Variants in PLXNA4 observed in about 807,000 individuals in gnomAD.
PLXNA4 encodes plexin A4.
Under a neutral mutation model 191.8 loss-of-function variants are expected in PLXNA4, and 44 were observed. That is an observed-to-expected ratio of 0.23 (90% CI 0.18 to 0.29). The LOEUF (loss-of-function observed/expected upper bound fraction) is 0.29. Ranked by LOEUF, PLXNA4 falls within the 10% of genes least tolerant of loss-of-function variation. The pLI is 1.00. For synonymous variants in PLXNA4, 1,082 were observed against 1,009.5 expected, an observed-to-expected ratio of 1.07 and a Z score of -1.36; for missense variants, 1,800 against 2,488.8, an observed-to-expected ratio of 0.72 and a Z score of 5.89.
chr7:132,147,439 C>T (rs1353564659), intron 27 of PLXNA4, among the ~76,000 whole-genome samples: 1 of 152,178 alleles, frequency 6.6e-6, no homozygotes, highest in Admixed American at 6.5e-5. Flanking sequence ...CTTCTGGCTT[C>T]TACCCCACCT....
At chr7:132,279,424 T>C (rs1363375407) in intron 4 of PLXNA4, among the ~76,000 whole-genome samples, 1 of 151,916 alleles carries the variant, frequency 6.6e-6, no homozygotes, top group Non-Finnish European at 1.5e-5. Context: ...AGTTCAGGAG[T>C]TTGAGACCAG....
chr7:132,561,791 C>T (rs1484830661), intron 1 of PLXNA4, among the ~76,000 whole-genome samples: 1 of 137,650 alleles, frequency 7.3e-6, no homozygotes, highest in Non-Finnish European at 1.6e-5. Flanking sequence ...CGTCCTTAAC[C>T]TCCTCCTCCT....
intron 3 of PLXNA4, among the ~76,000 whole-genome samples, chr7:132,422,292 G>A (rs1794877340): frequency 6.6e-6 from 1 of 152,200 alleles, no homozygotes; most frequent in East Asian, 1.9e-4. Context: ...TCACCTCAGA[G>A]AGCAAGAGGG....
intron 20 of PLXNA4, among the ~76,000 whole-genome samples, chr7:132,176,157 G>A (rs1290295861): frequency 2.0e-5 from 3 of 152,170 alleles, no homozygotes. Flanking sequence ...TCTGTGCCAG[G>A]AGAATCCCAA....
At chr7:132,639,083 T>C (rs905140682) in intron 2 of PLXNA4, among the ~76,000 whole-genome samples, 2 of 152,152 alleles carry the variant, frequency 1.3e-5, no homozygotes, top group Non-Finnish European at 2.9e-5. Flanking sequence ...TATATCAAAG[T>C]TCACCATCCA....
chr7:132,170,176 T>C (rs1584789937), intron 21 of PLXNA4, among the ~76,000 whole-genome samples: 1 of 152,274 alleles, frequency 6.6e-6, no homozygotes, highest in East Asian at 1.9e-4. Flanking sequence ...ATGAACATAA[T>C]GATAGCTAAT....
At chr7:132,613,915 G>T (rs117184272) in intron 2 of PLXNA4, among the ~76,000 whole-genome samples, 1 of 152,166 alleles carries the variant, frequency 6.6e-6, no homozygotes, top group Non-Finnish European at 1.5e-5. Flanking sequence ...GCCTGTGGGC[G>T]TGGGGCTTCA....
Position 132,489,314 on chromosome 7 carries a change from G to A in PLXNA4, c.1349C>T (p.Thr450Ile), listed in dbSNP as rs753254902. 1 of 1,585,492 alleles carries A rather than the reference G, an allele frequency of 6.3e-7. No individual in the cohort carries two copies. The highest frequency in any genetic ancestry group is 8.6e-7 in the Non-Finnish European group (1 of 1,156,112). ...YKNHSLAFVG[T>I]KSGKLKKIRV... ...TACCTTCTTCAGCTTGCCACTTTTG[G>A]TGCCCACAAAGGCCAGAGAGTGGTT... The change falls in exon 3 of 32, where the codon ACC (threonine) becomes ATC (isoleucine). Residue 450 changes from threonine (T) to isoleucine (I), a missense_variant. Thr to Ile is a moderately conservative substitution (Grantham distance 89, BLOSUM62 -1). Coordinates refer to ENST00000321063, the MANE Select transcript of PLXNA4 (RefSeq NM_020911.2).
intron 14 of PLXNA4, among the ~76,000 whole-genome samples, chr7:132,189,837 G>A (rs1010097494): frequency 6.6e-6 from 1 of 152,168 alleles, no homozygotes; most frequent in Non-Finnish European, 1.5e-5. Flanking sequence ...CTGTGTGAGG[G>A]ATGGGGGTGG....
At chr7:132,358,074 A>G (rs1168363709) in intron 3 of PLXNA4, among the ~76,000 whole-genome samples, 1 of 152,260 alleles carries the variant, frequency 6.6e-6, no homozygotes, top group African/African-American at 2.4e-5. Flanking sequence ...ACAAGATTCA[A>G]ATTCCACTGC....
At chr7:132,232,234 A>G (rs1219231705) in intron 5 of PLXNA4, among the ~76,000 whole-genome samples, 3 of 152,276 alleles carry the variant, frequency 2.0e-5, no homozygotes, top group Middle Eastern at 3.4e-3. Flanking sequence ...AAGAGGCCTC[A>G]GGTACTCCTA....
chr7:132,414,892 G>A (rs1794604523), intron 3 of PLXNA4, among the ~76,000 whole-genome samples: 1 of 152,170 alleles, frequency 6.6e-6, no homozygotes, highest in Non-Finnish European at 1.5e-5. Flanking sequence ...CCATTTCCTA[G>A]TTGTAACTAC....
intron 3 of PLXNA4, among the ~76,000 whole-genome samples, chr7:132,415,715 T>G (rs1473252069): frequency 6.6e-6 from 1 of 152,174 alleles, no homozygotes; most frequent in African/African-American, 2.4e-5. Context: ...TATTAATTAT[T>G]TTCATCAATA....
At chr7:132,455,126 G>A (rs13245932) in intron 3 of PLXNA4, among the ~76,000 whole-genome samples, 107,354 of 152,134 alleles carry the variant, frequency 0.71, 43,868 homozygotes, top group Non-Finnish European at 0.89. Context: ...GCCTCGCCTG[G>A]ACGCTGTTTG....
intron 3 of PLXNA4, among the ~76,000 whole-genome samples, chr7:132,450,209 C>T (rs1309528854): frequency 6.6e-6 from 1 of 152,166 alleles, no homozygotes; most frequent in Non-Finnish European, 1.5e-5. Flanking sequence ...GAGGCTGTGG[C>T]TCTTTCTAGA....
At chr7:132,498,183 G>A (rs1017305452) in intron 2 of PLXNA4, among the ~76,000 whole-genome samples, 2 of 152,138 alleles carry the variant, frequency 1.3e-5, no homozygotes, top group African/African-American at 4.8e-5. Context: ...ATAGTATACT[G>A]TCATAACTGT....
chr7:132,250,197 A>G (rs1032904551), intron 4 of PLXNA4, among the ~76,000 whole-genome samples: 2 of 152,162 alleles, frequency 1.3e-5, no homozygotes, highest in Non-Finnish European at 2.9e-5. Flanking sequence ...ACACATATGA[A>G]TGTATTAGTG....
chr7:132,475,693 C>T (rs902209755), intron 3 of PLXNA4, among the ~76,000 whole-genome samples: 3 of 151,712 alleles, frequency 2.0e-5, no homozygotes, highest in Non-Finnish European at 4.4e-5. Flanking sequence ...GGCTGGCTGC[C>T]GGGAAGCGAG....
chr7:132,537,832 G>A (rs1246669194), intron 1 of PLXNA4, among the ~76,000 whole-genome samples: 5 of 152,186 alleles, frequency 3.3e-5, no homozygotes, highest in African/African-American at 1.2e-4. Flanking sequence ...CCTTCCTCAA[G>A]CCATGACCTT....
Sources: allele counts gnomAD v4.1 joint callset (sites outside exome capture counted in the v4.1 genomes callset), GRCh38; gene constraint gnomAD v4.1.1; transcripts MANE v1.5; gene names NCBI Gene and HGNC (gene_info 2026-07-23, HGNC 2026-07-21).